Variants in CDK17 observed in about 807,000 individuals in gnomAD.
The protein encoded by CDK17 is cyclin-dependent kinase 17.
Under a neutral mutation model 77.6 loss-of-function variants are expected in CDK17, and 24 were observed. That is an observed-to-expected ratio of 0.31 (90% CI 0.22 to 0.44). The LOEUF (loss-of-function observed/expected upper bound fraction) is 0.44. Among genes scored for constraint, CDK17 ranks in the 20% least tolerant of loss-of-function variants. CDK17 has a pLI of 1.00. For missense variants in CDK17, 429 were observed against 622.5 expected (o/e 0.69, Z 3.31); for synonymous variants, 203 against 210.4 (o/e 0.96, Z 0.30).
rs1175010649 is a variant in CDK17, at chr12:96,279,116, C to A, written c.*1126G>T. 1 of 152,454 alleles carries A rather than the reference C, an allele frequency of 6.6e-6. No homozygotes were observed. Among genetic ancestry groups the A allele is most frequent in the Non-Finnish European group, 1.5e-5 (1 of 67,984 alleles). The allele number at this position is 152,454 out of a possible 1,614,324, so 9.4% of individuals were successfully genotyped here. A position where few individuals can be genotyped will look rare whatever the true frequency, so the allele number is the denominator to read the frequency against. ...AACAAAAATGCTTAAAATACTGTTACCAACACCAAAGTGTGTTTATGATGT... is the reference window on the plus strand; with the variant it reads ...AACAAAAATGCTTAAAATACTGTTAACAACACCAAAGTGTGTTTATGATGT... On this transcript the variant is annotated 3_prime_UTR_variant, in exon 17 of 17. Coordinates refer to ENST00000261211, the MANE Select transcript of CDK17 (RefSeq NM_002595.5).
intron 1 of CDK17, among the ~76,000 whole-genome samples, chr12:96,356,008 T>C (rs1171075725): frequency 6.6e-6 from 1 of 152,202 alleles, no homozygotes; most frequent in Non-Finnish European, 1.5e-5. Context: ...TATTAAAAAG[T>C]ATTATTCATT....
At chr12:96,346,560 G>A (rs868312673) in intron 1 of CDK17, among the ~76,000 whole-genome samples, 5 of 151,394 alleles carry the variant, frequency 3.3e-5, no homozygotes, top group African/African-American at 7.3e-5. Context: ...TCCGAGAAGC[G>A]CAGCTTGCAG....
chr12:96,300,466 G>C lies in CDK17; in HGVS notation c.544-106C>G, dbSNP rs929713480. On this transcript the variant is annotated intron_variant, in intron 5 of 16. Coordinates refer to ENST00000261211, the MANE Select transcript of CDK17 (RefSeq NM_002595.5). Reference sequence around the variant, plus strand: ...GGCTGGAGTGCAGCGGCACAATCTTGGCTTACTGCAACCTCCACCTCGCGG... The same window carrying C: ...GGCTGGAGTGCAGCGGCACAATCTTCGCTTACTGCAACCTCCACCTCGCGG... The C allele has an allele frequency of 5.4e-5, 35 of 647,142 alleles. No individual in the cohort carries two copies. In the African/African-American group the frequency reaches 6.7e-4, roughly 12 times the overall value. The allele number at this position is 647,142 out of a possible 1,614,324, so 40.1% of individuals were successfully genotyped here.
intron 2 of CDK17, among the ~76,000 whole-genome samples, chr12:96,330,499 C>T (rs1952951679): frequency 6.6e-6 from 1 of 152,192 alleles, no homozygotes; most frequent in Non-Finnish European, 1.5e-5. Flanking sequence ...AAGGAGATCC[C>T]ATACACAATA....
intron 13 of CDK17, among the ~76,000 whole-genome samples, chr12:96,284,064 C>G (rs1360709439): frequency 6.6e-6 from 1 of 152,160 alleles, no homozygotes; most frequent in African/African-American, 2.4e-5. Flanking sequence ...CACTGTTGTT[C>G]AAGACAAACA....
At chr12:96,328,860 G>C (rs1199234902) in intron 2 of CDK17, among the ~76,000 whole-genome samples, 2 of 152,166 alleles carry the variant, frequency 1.3e-5, no homozygotes, top group Non-Finnish European at 2.9e-5. Flanking sequence ...CACCCAAGGA[G>C]AGGGTATAGA....
intron 1 of CDK17, among the ~76,000 whole-genome samples, chr12:96,353,851 T>TG (rs1953352888): frequency 6.6e-6 from 1 of 152,026 alleles, no homozygotes; most frequent in African/African-American, 2.4e-5. Flanking sequence ...GAAGTAAGTT[T>TG]GGGGGAAAAA....
intron 2 of CDK17, among the ~76,000 whole-genome samples, chr12:96,333,274 C>G (rs920718400): frequency 6.6e-6 from 1 of 151,822 alleles, no homozygotes; most frequent in Admixed American, 6.6e-5. Context: ...GAGATTTGAC[C>G]CAAATGTACA....
chr12:96,394,921 G>C (rs1565850675), intron 1 of CDK17, among the ~76,000 whole-genome samples: 1 of 149,976 alleles, frequency 6.7e-6, no homozygotes, highest in Non-Finnish European at 1.5e-5. Context: ...CTGTCGCCAG[G>C]CTAGAGTGCA....
intron 1 of CDK17, among the ~76,000 whole-genome samples, chr12:96,369,156 GA>G (rs910289540): frequency 4.0e-5 from 6 of 148,906 alleles, no homozygotes; most frequent in Non-Finnish European, 7.5e-5. Context: ...TCACAAAAAA[GA>G]AAAAAAAAGT....
chr12:96,303,505 C>T (rs1336978959), intron 5 of CDK17: 1 of 152,000 alleles, frequency 6.6e-6, no homozygotes, highest in Non-Finnish European at 1.5e-5. Flanking sequence ...ACTATCACTG[C>T]TCAAAGCTTA....
At chr12:96,327,105 G>A (rs1050112915) in intron 2 of CDK17, among the ~76,000 whole-genome samples, 3 of 152,158 alleles carry the variant, frequency 2.0e-5, no homozygotes, top group Non-Finnish European at 4.4e-5. Context: ...CAACACAGGT[G>A]AGGACATGAC....
At chr12:96,294,513 G>A (rs1486480358) in intron 10 of CDK17, among the ~76,000 whole-genome samples, 1 of 148,186 alleles carries the variant, frequency 6.7e-6, no homozygotes, top group Non-Finnish European at 1.5e-5. Context: ...AACCTGGGAG[G>A]CAGAGGTTGC....
intron 12 of CDK17, 41 bp downstream of exon 12, chr12:96,286,623 T>G: frequency 7.2e-7 from 1 of 1,390,318 alleles, no homozygotes; most frequent in Non-Finnish European, 1.0e-6. Flanking sequence ...AGCTAGTCAA[T>G]TATGGGTGCA....
At chr12:96,291,790 T>C (rs1952328269) in intron 10 of CDK17, among the ~76,000 whole-genome samples, 1 of 152,116 alleles carries the variant, frequency 6.6e-6, no homozygotes, top group Non-Finnish European at 1.5e-5. Flanking sequence ...AGCTAACTTT[T>C]CTATTTTGAG....
intron 1 of CDK17, among the ~76,000 whole-genome samples, chr12:96,348,737 T>C (rs1335499274): frequency 2.0e-5 from 3 of 151,954 alleles, no homozygotes; most frequent in East Asian, 3.9e-4. Context: ...AGACAAACTC[T>C]TACAAACACA....
intron 1 of CDK17, among the ~76,000 whole-genome samples, chr12:96,348,082 T>C (rs1953251968): frequency 6.6e-6 from 1 of 151,932 alleles, no homozygotes; most frequent in Non-Finnish European, 1.5e-5. Flanking sequence ...TATAAAAGCT[T>C]ACATTAAAAG....
intron 10 of CDK17, among the ~76,000 whole-genome samples, chr12:96,290,263 A>G (rs1952307394): frequency 1.3e-5 from 2 of 152,258 alleles, no homozygotes; most frequent in South Asian, 4.1e-4. Context: ...CTAGTGTGAG[A>G]GAGTCGCTAT....
At chr12:96,347,145 A>G (rs1953227231) in intron 1 of CDK17, among the ~76,000 whole-genome samples, 1 of 152,184 alleles carries the variant, frequency 6.6e-6, no homozygotes, top group Admixed American at 6.5e-5. Flanking sequence ...CTAAAAACAG[A>G]GACTAAAAAT....
Sources: allele counts gnomAD v4.1 joint callset (sites outside exome capture counted in the v4.1 genomes callset), GRCh38; gene constraint gnomAD v4.1.1; transcripts MANE v1.5; gene names NCBI Gene and HGNC (gene_info 2026-07-23, HGNC 2026-07-21).